Variants in ERBB4 observed in about 807,000 individuals in gnomAD.
ERBB4 encodes the protein receptor tyrosine-protein kinase erbB-4.
In ERBB4, 42 loss-of-function variants were observed where a neutral mutation model predicts 158.0. The observed-to-expected ratio is 0.27, with a 90% CI of 0.21 to 0.34. The LOEUF is 0.34. Among genes scored for constraint, ERBB4 ranks in the 10% least tolerant of loss-of-function variants. ERBB4 has a pLI of 1.00. For missense variants in ERBB4, 1,333 were observed against 1,624.1 expected (o/e 0.82, Z 3.08); for synonymous variants, 583 against 558.7 (o/e 1.04, Z -0.61).
At chr2:212,003,208 AGAAAGAAGGAAGGAAG>A (rs1485028552) in intron 2 of ERBB4, among the ~76,000 whole-genome samples, 1 of 36,692 alleles carries the variant, frequency 2.7e-5, no homozygotes, top group Non-Finnish European at 7.0e-5. Flanking sequence ...AAAGAAAGAC[AGAAAGAAGGAAGGAAG>A]GAAGGAAGGA....
At chr2:211,532,986 C>A (rs985413704) in intron 20 of ERBB4, among the ~76,000 whole-genome samples, 3 of 149,446 alleles carry the variant, frequency 2.0e-5, no homozygotes, top group Non-Finnish European at 3.0e-5. Context: ...AAATATATTT[C>A]TTTTATTTAA....
chr2:212,071,755 G>A (rs1258671725), intron 2 of ERBB4, among the ~76,000 whole-genome samples: 3 of 151,960 alleles, frequency 2.0e-5, no homozygotes, highest in Non-Finnish European at 4.4e-5. Flanking sequence ...AACATTTGAA[G>A]TAATTGTCTA....
intron 1 of ERBB4, among the ~76,000 whole-genome samples, chr2:212,278,202 T>G (rs1268752271): frequency 6.6e-6 from 1 of 151,816 alleles, no homozygotes; most frequent in African/African-American, 2.4e-5. Flanking sequence ...TACTTCCATA[T>G]AAAATGTACA....
intron 17 of ERBB4, among the ~76,000 whole-genome samples, chr2:211,625,803 T>C (rs879333633): frequency 1.6e-4 from 25 of 152,144 alleles, no homozygotes; most frequent in Non-Finnish European, 3.2e-4. Context: ...CACAAAATAC[T>C]GGGAGGGGGC....
At chr2:212,013,106 G>T (rs1488412927) in intron 2 of ERBB4, among the ~76,000 whole-genome samples, 3 of 151,036 alleles carry the variant, frequency 2.0e-5, no homozygotes, top group Non-Finnish European at 2.9e-5. Flanking sequence ...GCCCAGGCTG[G>T]ATTGCAGTGG....
intron 25 of ERBB4, among the ~76,000 whole-genome samples, chr2:211,398,809 C>T (rs935182313): frequency 7.2e-5 from 11 of 152,286 alleles, no homozygotes; most frequent in East Asian, 5.8e-4. Context: ...CCAGCCTGGG[C>T]GACAGAGTAA....
At chr2:211,759,776 C>A (rs1575106634) in intron 4 of ERBB4, among the ~76,000 whole-genome samples, 1 of 149,862 alleles carries the variant, frequency 6.7e-6, no homozygotes, top group African/African-American at 2.5e-5. Context: ...AAATTCATAA[C>A]CTTGAATTTT....
intron 1 of ERBB4, among the ~76,000 whole-genome samples, chr2:212,248,629 G>A (rs759644106): frequency 9.2e-5 from 14 of 151,978 alleles, no homozygotes; most frequent in South Asian, 4.1e-4. Context: ...AATTTAATCC[G>A]CCACGTTAAG....
At chr2:211,467,903 A>G (rs542386872) in intron 20 of ERBB4, among the ~76,000 whole-genome samples, 2 of 152,290 alleles carry the variant, frequency 1.3e-5, no homozygotes, top group South Asian at 2.1e-4. Flanking sequence ...GGCCAATCTG[A>G]CTTTTACCTT....
At chr2:212,428,643 A>C (rs1204792666) in intron 1 of ERBB4, among the ~76,000 whole-genome samples, 1 of 152,312 alleles carries the variant, frequency 6.6e-6, no homozygotes, top group Non-Finnish European at 1.5e-5. Flanking sequence ...TATACTAAAA[A>C]TGTAAGAAAA....
intron 1 of ERBB4, among the ~76,000 whole-genome samples, chr2:212,169,784 T>C (rs190617121): frequency 3.0e-4 from 45 of 152,260 alleles, no homozygotes; most frequent in Admixed American, 7.8e-4. Context: ...GATCTGATGA[T>C]TTATCAAGAG....
Position 212,236,437 on chromosome 2 carries a change from G to A in ERBB4, c.83-111534C>T, listed in dbSNP as rs371655464. ...GTGGCCTGAAATTTTCTTCTTTTGT[G>A]GTGTCTCTGCCAAGTTTTGGTATCA... is the stretch of plus-strand genomic sequence containing the variant. On this transcript the variant is annotated intron_variant, in intron 1 of 27. Transcript: ENST00000342788. 5.3e-5 allele frequency among the ~76,000 whole-genome samples: 8 copies of A among 152,100 alleles called. No individual in the cohort carries two copies. The East Asian group carries it at 5.8e-4, about 11-fold the overall frequency.
intron 1 of ERBB4, among the ~76,000 whole-genome samples, chr2:212,537,741 G>A (rs1319217832): frequency 1.4e-5 from 2 of 142,262 alleles, no homozygotes; most frequent in African/African-American, 2.8e-5. Flanking sequence ...GCTCAAGTGT[G>A]CCAAGCCTTT....
chr2:211,871,192 A>T lies in ERBB4; in HGVS notation c.421+76238T>A, dbSNP rs144845262. On this transcript the variant is annotated intron_variant, in intron 3 of 27. Coordinates refer to ENST00000342788, the MANE Select transcript of ERBB4 (RefSeq NM_005235.3). ...AATACACTGCATACAGAGGTAGAAG[A>T]TGTGAGTCCAAAATTTTTTAAGCTG... 3.3e-4 allele frequency among the ~76,000 whole-genome samples: 50 copies of T among 152,302 alleles called. No individual in the cohort carries two copies. In the East Asian group the frequency reaches 9.5e-3, roughly 29 times the overall value.
At chr2:212,207,445 T>C (rs2082797753) in intron 1 of ERBB4, among the ~76,000 whole-genome samples, 1 of 152,184 alleles carries the variant, frequency 6.6e-6, no homozygotes, top group South Asian at 2.1e-4. Flanking sequence ...AGAAGGAGAA[T>C]TAATTTGTCT....
chr2:212,206,644 T>C (rs933023927), intron 1 of ERBB4, among the ~76,000 whole-genome samples: 9 of 147,148 alleles, frequency 6.1e-5, no homozygotes, highest in Non-Finnish European at 1.2e-4. Flanking sequence ...CCAACTGCAG[T>C]GGTGCTATCT....
intron 5 of ERBB4, among the ~76,000 whole-genome samples, chr2:211,747,052 T>A (rs1443548266): frequency 1.3e-5 from 2 of 152,058 alleles, no homozygotes; most frequent in Non-Finnish European, 2.9e-5. Context: ...ATAACATACG[T>A]AGTTCAAAAA....
intron 1 of ERBB4, among the ~76,000 whole-genome samples, chr2:212,215,111 C>T (rs761886067): frequency 5.9e-5 from 9 of 151,506 alleles, no homozygotes; most frequent in African/African-American, 9.7e-5. Context: ...AGAGACTTTA[C>T]AGGTGCTTGT....
Position 211,637,825 on chromosome 2 carries a change from A to C in ERBB4, c.1947-7231T>G, listed in dbSNP as rs144497117. Among the ~76,000 whole-genome samples the C allele has an allele frequency of 3.2e-4, 48 of 152,100 alleles. No homozygotes were observed. In the East Asian group the frequency reaches 9.3e-3, roughly 29 times the overall value. Reference sequence around the variant, plus strand: ...TAACATTTTATGTATTGGAGTCTCAAGTCCATTAAACTTTCACCTATTGTA... The same window carrying C: ...TAACATTTTATGTATTGGAGTCTCACGTCCATTAAACTTTCACCTATTGTA... On this transcript the variant is annotated intron_variant, in intron 16 of 27. Coordinates refer to ENST00000342788, the MANE Select transcript of ERBB4 (RefSeq NM_005235.3).
Sources: allele counts gnomAD v4.1 joint callset (sites outside exome capture counted in the v4.1 genomes callset), GRCh38; gene constraint gnomAD v4.1.1; transcripts MANE v1.5; gene names NCBI Gene and HGNC (gene_info 2026-07-23, HGNC 2026-07-21).